Variants in FYB2 observed in about 807,000 individuals in gnomAD.
FYB2 encodes the protein FYN-binding protein 2.
In FYB2, 103 loss-of-function variants were observed where a neutral mutation model predicts 94.1. The observed-to-expected ratio is 1.09, with a 90% confidence interval of 0.93 to 1.29. The LOEUF (loss-of-function observed/expected upper bound fraction) is 1.29. Ranked by LOEUF, FYB2 falls within the 50% of genes most tolerant of loss-of-function variation. The pLI is 0.00. For missense variants in FYB2, 896 were observed against 841.5 expected, an observed-to-expected ratio of 1.06 and a Z score of -0.80; for synonymous variants, 293 against 287.9, an observed-to-expected ratio of 1.02 and a Z score of -0.18.
chr1:56,719,725 A>G (rs1644449044), intron 19 of FYB2, 33 bp from the exon 20 acceptor site: 1 of 1,545,436 alleles, frequency 6.5e-7, no homozygotes, highest in South Asian at 1.1e-5. Context: ...AAACATTTTA[A>G]AATATAGGAC....
At chr1:56,761,639 A>G (rs927579927) in intron 5 of FYB2, among the ~76,000 whole-genome samples, 12 of 152,298 alleles carry the variant, frequency 7.9e-5, no homozygotes, top group African/African-American at 2.6e-4. Flanking sequence ...AGTTCTGTAT[A>G]AAAGAGATGA....
At chr1:56,723,778 T>C (rs894075208) in intron 16 of FYB2, 97 bp from the exon 17 acceptor site, 2 of 681,106 alleles carry the variant, frequency 2.9e-6, no homozygotes, top group Non-Finnish European at 4.9e-6. Context: ...TAAATTCAGG[T>C]ATAATTTTTT....
At chr1:56,720,631 TG>T (rs1644467929) in intron 17 of FYB2, 1 of 208,918 alleles carries the variant, frequency 4.8e-6, no homozygotes, top group African/African-American at 2.3e-5. Flanking sequence ...TTTTTAGGTA[TG>T]GGGTACATGT....
upstream of FYB2, among the ~76,000 whole-genome samples, chr1:56,820,481 C>T (rs967315041): frequency 1.3e-5 from 2 of 152,180 alleles, no homozygotes; most frequent in Non-Finnish European, 1.5e-5. Context: ...GGGTGGCCTG[C>T]GCCCTGCTTT....
chr1:56,740,949 C>T (rs1470459639), intron 12 of FYB2, among the ~76,000 whole-genome samples, 154 bp from the exon 13 acceptor site: 1 of 151,972 alleles, frequency 6.6e-6, no homozygotes, highest in Admixed American at 6.6e-5. Flanking sequence ...AAATAACCGA[C>T]ACTGGGGACT....
chr1:56,725,274 T>C (rs528372640), intron 16 of FYB2, among the ~76,000 whole-genome samples: 1 of 152,180 alleles, frequency 6.6e-6, no homozygotes, highest in East Asian at 1.9e-4. Context: ...TCATCTTTGA[T>C]TGATAAAAGA....
chr1:56,801,059 A>G (rs1646508417), intron 1 of FYB2, among the ~76,000 whole-genome samples: 1 of 152,116 alleles, frequency 6.6e-6, no homozygotes, highest in Admixed American at 6.5e-5. Context: ...TAGTATCGCC[A>G]ATTGAATCCC....
chr1:56,765,018 G>A (rs1376136772), intron 5 of FYB2, among the ~76,000 whole-genome samples: 4 of 152,106 alleles, frequency 2.6e-5, no homozygotes, highest in African/African-American at 7.2e-5. Context: ...AAATACCATC[G>A]CATTGGGGGT....
chr1:56,820,302 C>G (rs146163620), upstream of FYB2, among the ~76,000 whole-genome samples: 1,266 of 151,554 alleles, frequency 8.4e-3, 5 homozygotes, highest in Middle Eastern at 0.021. Flanking sequence ...TAGGTAGTAA[C>G]TAGAAGAGCC....
chr1:56,802,562 G>A (rs1216057850), intron 1 of FYB2, among the ~76,000 whole-genome samples: 3 of 152,172 alleles, frequency 2.0e-5, no homozygotes, highest in Non-Finnish European at 4.4e-5. Context: ...ATGGAGGTGT[G>A]CCGTTCCATT....
chr1:56,791,815 C>T (rs752041065), intron 2 of FYB2, among the ~76,000 whole-genome samples: 18 of 152,176 alleles, frequency 1.2e-4, no homozygotes, highest in South Asian at 6.2e-4. Context: ...TGTCAGAAGT[C>T]GAGCTAGGAT....
chr1:56,767,748 G>A, intron 5 of FYB2, 81 bp downstream of exon 5: 1 of 1,097,884 alleles, frequency 9.1e-7, no homozygotes, highest in Non-Finnish European at 1.4e-6. Flanking sequence ...TAAACTTACA[G>A]TTAGCTAAAG....
chr1:56,735,817 A>G (rs765435150), intron 15 of FYB2, among the ~76,000 whole-genome samples: 62 of 152,252 alleles, frequency 4.1e-4, no homozygotes, highest in Admixed American at 9.2e-4. Flanking sequence ...CTGCGAGTCA[A>G]TTAAGCTTCT....
intron 13 of FYB2, among the ~76,000 whole-genome samples, chr1:56,740,077 AC>A (rs1644916628): frequency 6.6e-6 from 1 of 152,070 alleles, no homozygotes; most frequent in Non-Finnish European, 1.5e-5. Flanking sequence ...CCACAGTTGT[AC>A]ATGGAATAAA....
Position 56,767,888 on chromosome 1 carries a change from GA to G in FYB2, c.1003del (p.Ser335HisfsTer3), listed in dbSNP as rs757288050. On this transcript the variant is annotated frameshift_variant, in exon 5 of 20. Coordinates refer to ENST00000343433, the MANE Select transcript of FYB2 (RefSeq NM_001004303.5). LOFTEE classifies it high-confidence loss of function. ...EEPHNYEATI[S>X]YLRHSGNSIN... The stretch of plus-strand genomic sequence containing the variant: ...GGAGTTGCCAGAGTGTCTCAGATAT[GA>G]AATTGTTGCCTCGTAATTATGTGGT... 1 of 1,612,236 alleles carries G rather than the reference GA, an allele frequency of 6.2e-7. No homozygotes were observed. The highest frequency in any genetic ancestry group is 8.5e-7 in the Non-Finnish European group (1 of 1,179,428).
At chr1:56,810,878 A>G (rs1460626956) in intron 1 of FYB2, among the ~76,000 whole-genome samples, 3 of 152,172 alleles carry the variant, frequency 2.0e-5, no homozygotes, top group Non-Finnish European at 4.4e-5. Flanking sequence ...TTTGGAATAC[A>G]TTGCCCCTTT....
intron 4 of FYB2, among the ~76,000 whole-genome samples, chr1:56,772,391 T>C (rs886429828): frequency 1.3e-4 from 20 of 152,114 alleles, no homozygotes; most frequent in African/African-American, 4.8e-4. Flanking sequence ...AAAAAGAAGG[T>C]TGCAGATGTA....
At chr1:56,785,133 T>C (rs759275124) in intron 4 of FYB2, among the ~76,000 whole-genome samples, 63 of 152,296 alleles carry the variant, frequency 4.1e-4, no homozygotes, top group Non-Finnish European at 7.4e-4. Flanking sequence ...GATGGTGCCA[T>C]GTGGAGACTG....
rs1646506760 is a variant in FYB2, at chr1:56,800,995, T to A, written c.10-8192A>T. Among the ~76,000 whole-genome samples the A allele has an allele frequency of 3.9e-5, 6 of 152,264 alleles. No individual in the cohort carries two copies. In the South Asian group the frequency reaches 1.2e-3, roughly 32 times the overall value. On this transcript the variant is annotated intron_variant, in intron 1 of 19. Coordinates refer to ENST00000343433, the MANE Select transcript of FYB2 (RefSeq NM_001004303.5). ...ACATCCCCATTTACCTTGGTCACCA[T>A]GAGAAAACGAAGCTGGTCTGTTAAC...
Sources: gnomAD v4.1 joint callset for allele counts (sites outside exome capture counted in the v4.1 genomes callset) on GRCh38, gnomAD v4.1.1 for gene constraint, MANE v1.5 for transcripts, NCBI Gene and HGNC (gene_info 2026-07-23, HGNC 2026-07-21) for gene names.